CALD1: variants seen among roughly 807,000 people sequenced by gnomAD.
CALD1 encodes the protein caldesmon.
In CALD1, 33 loss-of-function variants were observed where a neutral mutation model predicts 99.9. The ratio of observed to expected loss-of-function variants is 0.33; its 90% CI spans 0.25 to 0.44. CALD1 has a LOEUF of 0.44. CALD1 is among the 20% of genes least tolerant of loss of function. The pLI is 1.00. For missense variants in CALD1, 861 were observed against 962.1 expected (o/e 0.89, Z 1.39); for synonymous variants, 310 against 325.0 (o/e 0.95, Z 0.50).
rs750795304 is a variant in CALD1, at chr7:134,869,464, T to TCAGTGAGTATG, written c.71+1660_71+1661insCAGTGAGTATG. Among the ~76,000 whole-genome samples the TCAGTGAGTATG allele has an allele frequency of 2.2e-3, 337 of 152,292 alleles. 1 individual carries two copies. The highest frequency in any genetic ancestry group is 2.7e-3 in the Non-Finnish European group (181 of 68,034). On this transcript the variant is annotated intron_variant, in intron 3 of 14. Transcript: ENST00000361675. ...AAGAGATAGTATGGTAATGAGGGCC[T>TCAGTGAGTATG]GAATCAGGTCAGTGAGTATGGAAAT...
intron 7 of CALD1, among the ~76,000 whole-genome samples, chr7:134,945,939 A>G (rs1435133984): frequency 6.6e-6 from 1 of 152,168 alleles, no homozygotes; most frequent in Non-Finnish European, 1.5e-5. Context: ...ACAGTTGTGG[A>G]CAGATGGATT....
intron 2 of CALD1, chr7:134,844,469 G>A (rs1190205225): frequency 1.3e-5 from 2 of 152,166 alleles, no homozygotes; most frequent in African/African-American, 4.8e-5. Flanking sequence ...GTGAAAGAGG[G>A]GATTTCCACT....
intron 1 of CALD1, among the ~76,000 whole-genome samples, chr7:134,761,835 ATAG>A (rs1796781083): frequency 1.3e-5 from 2 of 152,230 alleles, no homozygotes; most frequent in South Asian, 4.1e-4. Context: ...AAAAATGCCA[ATAG>A]ACATTTACCA....
intron 1 of CALD1, among the ~76,000 whole-genome samples, chr7:134,833,658 T>C (rs1301245232): frequency 6.6e-6 from 1 of 152,194 alleles, no homozygotes; most frequent in Non-Finnish European, 1.5e-5. Context: ...TAACACACAT[T>C]TATTGAGAAA....
intron 1 of CALD1, among the ~76,000 whole-genome samples, chr7:134,798,252 C>CT (rs1365434942): frequency 6.6e-6 from 1 of 152,210 alleles, no homozygotes; most frequent in African/African-American, 2.4e-5. Context: ...GACTGACAAT[C>CT]TCTTGAGGAC....
chr7:134,954,148 A>T (rs928614809), intron 9 of CALD1, among the ~76,000 whole-genome samples: 3 of 152,206 alleles, frequency 2.0e-5, no homozygotes, highest in South Asian at 2.1e-4. Context: ...CTGTATTTTT[A>T]AAAAATATCT....
In CALD1 at chr7:134,779,764, G is replaced by C. The variant is rs7807775; in HGVS notation, c.-130+15G>C. Reference sequence around the variant, plus strand: ...CAGACTACAAGGTAAGGCACAGAAGGCTTTCTTTTTTATCTTCTAGAGAGA... The same window carrying C: ...CAGACTACAAGGTAAGGCACAGAAGCCTTTCTTTTTTATCTTCTAGAGAGA... On this transcript the variant is annotated intron_variant, in intron 1 of 14. Coordinates refer to ENST00000361675, the MANE Select transcript of CALD1 (RefSeq NM_033138.4). 0.014 allele frequency: 5,678 copies of C among 398,458 alleles called. 268 individuals carry two copies. Among genetic ancestry groups the C allele is most frequent in the African/African-American group, 0.11 (5,220 of 48,688 alleles). 24.7% of individuals were successfully genotyped at this position (398,458 alleles called of 1,614,324 possible).
chr7:134,787,231 A>T (rs1296402970), intron 1 of CALD1, among the ~76,000 whole-genome samples: 2 of 152,148 alleles, frequency 1.3e-5, no homozygotes, highest in East Asian at 3.8e-4. Flanking sequence ...TCAACCCTGT[A>T]AGGTCAAATT....
In CALD1 at chr7:134,968,955, T is replaced by G. The variant is rs1808869197; in HGVS notation, c.*610T>G. ...TTATTATGTTAGCTGACAGTGGTACTGATTTTTTAGGTTGGTTGTTTTGTG... is the reference window on the plus strand; with the variant it reads ...TTATTATGTTAGCTGACAGTGGTACGGATTTTTTAGGTTGGTTGTTTTGTG... On this transcript the variant is annotated 3_prime_UTR_variant, in exon 15 of 15. Transcript: ENST00000361675. 1 of 173,818 alleles carries G rather than the reference T, an allele frequency of 5.8e-6. No homozygotes were observed. The highest frequency in any genetic ancestry group is 5.4e-5 in the Admixed American group (1 of 18,366). The allele number at this position is 173,818 out of a possible 1,614,324, so 10.8% of individuals were successfully genotyped here.
At chr7:134,881,524 C>T (rs534112427) in intron 3 of CALD1, among the ~76,000 whole-genome samples, 45 of 72,858 alleles carry the variant, frequency 6.2e-4, no homozygotes, top group Non-Finnish European at 1.1e-3. Context: ...AAAATGTCAT[C>T]GAAAGTATAA....
intron 1 of CALD1, chr7:134,809,616 G>C (rs1475364569): frequency 1.3e-5 from 2 of 152,162 alleles, no homozygotes; most frequent in Admixed American, 6.5e-5. Flanking sequence ...AACAAAATGT[G>C]CATTCAGCAA....
intron 1 of CALD1, among the ~76,000 whole-genome samples, chr7:134,841,007 A>G (rs942131848): frequency 6.6e-6 from 1 of 152,186 alleles, no homozygotes; most frequent in Non-Finnish European, 1.5e-5. Context: ...CTCTTCTCTG[A>G]GCACCCTGTT....
At chr7:134,825,900 G>C (rs998567502) in intron 1 of CALD1, among the ~76,000 whole-genome samples, 2 of 152,090 alleles carry the variant, frequency 1.3e-5, no homozygotes, top group African/African-American at 4.8e-5. Flanking sequence ...ATTTCTCAAT[G>C]TCTCAGGCTA....
chr7:134,900,103 G>A (rs1802883768), intron 3 of CALD1: 1 of 152,106 alleles, frequency 6.6e-6, no homozygotes, highest in South Asian at 2.1e-4. Context: ...CCAAAGAGAA[G>A]AAAATAATTC....
chr7:134,938,217 G>A (rs1009500542), intron 6 of CALD1, among the ~76,000 whole-genome samples: 2 of 152,142 alleles, frequency 1.3e-5, no homozygotes, highest in African/African-American at 4.8e-5. Context: ...ACAAAAGCAC[G>A]TAAAACCCAG....
chr7:134,746,962 A>G (rs770875953), intron 1 of CALD1, among the ~76,000 whole-genome samples: 28 of 152,334 alleles, frequency 1.8e-4, no homozygotes, highest in Non-Finnish European at 1.2e-4. Flanking sequence ...GTAAAATGCA[A>G]GAAGAGAGAA....
chr7:134,743,469 G>A (rs2131534261), upstream of CALD1, among the ~76,000 whole-genome samples: 1 of 152,244 alleles, frequency 6.6e-6, no homozygotes, highest in Middle Eastern at 3.4e-3. Context: ...TAAGGGGGGT[G>A]GGAATTGGAG....
chr7:134,748,851 G>T (rs576252435), intron 1 of CALD1, among the ~76,000 whole-genome samples: 97 of 152,276 alleles, frequency 6.4e-4, no homozygotes, highest in African/African-American at 2.3e-3. Context: ...GGTATTATGA[G>T]GTACTGCCTC....
chr7:134,847,788 A>C (rs887039714), intron 2 of CALD1, among the ~76,000 whole-genome samples: 1 of 152,254 alleles, frequency 6.6e-6, no homozygotes, highest in African/African-American at 2.4e-5. Flanking sequence ...GGGATACAGC[A>C]GGGAGAAAAA....
Sources: gnomAD v4.1 joint callset for allele counts (sites outside exome capture counted in the v4.1 genomes callset) on GRCh38, gnomAD v4.1.1 for gene constraint, MANE v1.5 for transcripts, NCBI Gene and HGNC (gene_info 2026-07-23, HGNC 2026-07-21) for gene names.